The following VPS37A variants were observed in gnomAD, a reference collection of about 807,000 sequenced individuals.
VPS37A encodes the protein vacuolar protein sorting-associated protein 37A.
In VPS37A, 30 loss-of-function variants were observed where a neutral mutation model predicts 49.8. The observed-to-expected ratio is 0.60, with a 90% CI of 0.45 to 0.82. The LOEUF is 0.82. Ranked by LOEUF, VPS37A falls within the 40% of genes least tolerant of loss-of-function variation. The pLI, the probability that VPS37A is intolerant of heterozygous loss-of-function variation, is 0.00. For synonymous variants in VPS37A, 195 were observed against 160.6 expected, an observed-to-expected ratio of 1.21 and a Z score of -1.62; for missense variants, 593 against 464.4, an observed-to-expected ratio of 1.28 and a Z score of -2.55.
At chr8:17,324,809 A>G in the VPS37A span, among the ~76,000 whole-genome samples, 21,567 of 152,068 alleles carry the variant, frequency 0.14, 1,995 homozygotes, top group African/African-American at 0.26. Flanking sequence ...AAATGACTAG[A>G]TTTTCAGGTT....
chr8:17,253,978 T>TGTAA (rs1345022248), intron 1 of VPS37A, among the ~76,000 whole-genome samples: 3 of 152,218 alleles, frequency 2.0e-5, no homozygotes, highest in Admixed American at 2.0e-4. Flanking sequence ...ATATCAGTTG[T>TGTAA]GTAAGTATGT....
the VPS37A span, among the ~76,000 whole-genome samples, chr8:17,330,968 T>C: frequency 6.6e-6 from 1 of 152,178 alleles, no homozygotes. Context: ...CAAAACCACA[T>C]CACAGTGATG....
chr8:17,288,488 G>T (rs915565883), intron 11 of VPS37A, among the ~76,000 whole-genome samples: 1 of 152,080 alleles, frequency 6.6e-6, no homozygotes, highest in Non-Finnish European at 1.5e-5. Context: ...TTCTGTTCCC[G>T]TGTTAGTTTC....
chr8:17,253,262 C>T (rs1812140364), intron 1 of VPS37A, among the ~76,000 whole-genome samples: 1 of 152,208 alleles, frequency 6.6e-6, no homozygotes. Flanking sequence ...CTTCCATTTC[C>T]ATTCAGTCTT....
rs532637145 is a variant in VPS37A at position 17,279,603 on chromosome 8, G to C, written c.714-425G>C. The stretch of plus-strand genomic sequence containing the variant: ...TTAAGTTAAACAGAATTAAGAACAA[G>C]AAAAAAATACTTAACTATATTACTG... On this transcript the variant is annotated intron_variant, in intron 6 of 11. Coordinates refer to ENST00000324849, the MANE Select transcript of VPS37A (RefSeq NM_152415.3). The C allele has an allele frequency of 5.2e-4, 159 of 303,424 alleles. 3 individuals are homozygous for C. Among genetic ancestry groups the C allele is most frequent in the South Asian group, 4.4e-3 (153 of 34,998 alleles). The allele number at this position is 303,424 out of a possible 1,614,324, so 18.8% of individuals were successfully genotyped here.
chr8:17,262,343 T>TA (rs995830114), intron 1 of VPS37A, among the ~76,000 whole-genome samples: 3 of 152,332 alleles, frequency 2.0e-5, no homozygotes, highest in African/African-American at 7.2e-5. Context: ...TATTAAGGTC[T>TA]ATTTGTTTCC....
Position 17,249,831 on chromosome 8 carries a change from C to T in VPS37A, c.125+2462C>T, listed in dbSNP as rs376431437. Reference sequence around the variant, plus strand: ...ATCAAAGTTTTACACTGCATGGGAGCCTTCAGAAATGAAGCCCCAGAGACC... The same window carrying T: ...ATCAAAGTTTTACACTGCATGGGAGTCTTCAGAAATGAAGCCCCAGAGACC... On this transcript the variant is annotated intron_variant, in intron 1 of 11. Transcript: ENST00000324849. 3.9e-5 allele frequency among the ~76,000 whole-genome samples: 6 copies of T among 152,262 alleles called. No homozygotes were observed. The South Asian group carries it at 1.2e-3, about 32-fold the overall frequency.
downstream of VPS37A, chr8:17,305,646 G>T: frequency 1.2e-6 from 1 of 842,672 alleles, no homozygotes; most frequent in Non-Finnish European, 1.9e-6. Flanking sequence ...TGTCAGTATA[G>T]GTATGTGACT....
chr8:17,258,700 TC>T (rs1812703504), intron 1 of VPS37A, among the ~76,000 whole-genome samples: 1 of 152,132 alleles, frequency 6.6e-6, no homozygotes, highest in South Asian at 2.1e-4. Flanking sequence ...TGTTATTAGT[TC>T]TTTAAGTGTT....
At chr8:17,306,789 T>C (rs1563317624), downstream of VPS37A, among the ~76,000 whole-genome samples, 1 of 152,158 alleles carries the variant, frequency 6.6e-6, no homozygotes, top group East Asian at 1.9e-4. Context: ...GATGTTACAG[T>C]TTCTCACCTT....
chr8:17,333,133 A>T, the VPS37A span, among the ~76,000 whole-genome samples: 1 of 152,188 alleles, frequency 6.6e-6, no homozygotes, highest in Non-Finnish European at 1.5e-5. Flanking sequence ...GGCTTATGTG[A>T]CATCAGCTGG....
At chr8:17,265,583 C>A (rs1276451972) in intron 1 of VPS37A, among the ~76,000 whole-genome samples, 1 of 152,114 alleles carries the variant, frequency 6.6e-6, no homozygotes, top group African/African-American at 2.4e-5. Context: ...CTGTATTAAC[C>A]GGAGAGCACA....
chr8:17,329,215 G>A, the VPS37A span, among the ~76,000 whole-genome samples: 1 of 152,202 alleles, frequency 6.6e-6, no homozygotes, highest in South Asian at 2.1e-4. Context: ...GCTGTTTGAA[G>A]GAGGAAAAGC....
the VPS37A span, among the ~76,000 whole-genome samples, chr8:17,312,574 C>CAAAAAAAAA: frequency 1.1e-5 from 1 of 87,252 alleles, no homozygotes; most frequent in Admixed American, 1.4e-4. Context: ...GACTCCCTCT[C>CAAAAAAAAA]AAAAAAAAAA....
chr8:17,324,205 A>T, the VPS37A span, among the ~76,000 whole-genome samples: 1 of 152,198 alleles, frequency 6.6e-6, no homozygotes, highest in Non-Finnish European at 1.5e-5. Context: ...TAAATGAAGG[A>T]AGCACTTGTC....
chr8:17,327,744 G>A, the VPS37A span, among the ~76,000 whole-genome samples: 1 of 152,142 alleles, frequency 6.6e-6, no homozygotes, highest in African/African-American at 2.4e-5. Flanking sequence ...ATTCTTTTGA[G>A]TATTGAATAT....
At chr8:17,311,174 A>C in the VPS37A span, among the ~76,000 whole-genome samples, 1 of 152,228 alleles carries the variant, frequency 6.6e-6, no homozygotes, top group African/African-American at 2.4e-5. Flanking sequence ...CTTCTGTTAC[A>C]TATTCATGTT....
chr8:17,283,255 A>G (rs1815260427), intron 9 of VPS37A, among the ~76,000 whole-genome samples: 1 of 152,058 alleles, frequency 6.6e-6, no homozygotes, highest in Admixed American at 6.6e-5. Context: ...TCCCAGGCTC[A>G]AGCGATCCTC....
chr8:17,253,572 C>G (rs2150348757), intron 1 of VPS37A, among the ~76,000 whole-genome samples: 1 of 152,318 alleles, frequency 6.6e-6, no homozygotes, highest in South Asian at 2.1e-4. Flanking sequence ...GTATCTGAAG[C>G]TTTTCTGATA....
Sources: allele counts gnomAD v4.1 joint callset (sites outside exome capture counted in the v4.1 genomes callset), GRCh38; gene constraint gnomAD v4.1.1; transcripts MANE v1.5; gene names NCBI Gene and HGNC (gene_info 2026-07-23, HGNC 2026-07-21).